The following FAR2 variants were observed in gnomAD, a reference collection of about 807,000 sequenced individuals.
FAR2 encodes the protein epididymis secretory protein Li 81.
Under a neutral mutation model 56.0 loss-of-function variants are expected in FAR2, and 19 were observed. The ratio of observed to expected loss-of-function variants is 0.34; its 90% CI spans 0.24 to 0.50. FAR2 has a LOEUF of 0.50. Ranked by LOEUF, FAR2 falls within the 20% of genes least tolerant of loss-of-function variation. The pLI is 0.98. For missense variants in FAR2, 508 were observed against 642.2 expected (o/e 0.79, Z 2.26); for synonymous variants, 219 against 218.8 (o/e 1.00, Z -0.01).
chr12:29,177,689 G>A (rs1029078550), intron 1 of FAR2, among the ~76,000 whole-genome samples: 1 of 152,124 alleles, frequency 6.6e-6, no homozygotes, highest in African/African-American at 2.4e-5. Flanking sequence ...ACAGATCTCA[G>A]AACTGGACAA....
intron 10 of FAR2, 35 bp from the exon 11 acceptor site, chr12:29,332,565 A>T: frequency 6.2e-7 from 1 of 1,612,590 alleles, no homozygotes; most frequent in Non-Finnish European, 8.5e-7. Flanking sequence ...CCAGCACTGC[A>T]ATTCTGGCAA....
chr12:29,294,912 T>G (rs944941114), intron 3 of FAR2, among the ~76,000 whole-genome samples: 10 of 152,186 alleles, frequency 6.6e-5, no homozygotes, highest in Admixed American at 2.6e-4. Context: ...TGAACAATAT[T>G]TGTTAAATAT....
chr12:29,291,408 G>C (rs1435828951), intron 2 of FAR2: 1 of 455,884 alleles, frequency 2.2e-6, no homozygotes, highest in African/African-American at 2.0e-5. Flanking sequence ...GATTTTTCAT[G>C]CCTACAGTTT....
chr12:29,210,496 CCTT>C (rs893324906), intron 1 of FAR2, among the ~76,000 whole-genome samples: 2 of 152,102 alleles, frequency 1.3e-5, no homozygotes, highest in Admixed American at 1.3e-4. Context: ...AGTGGTTTGG[CCTT>C]ATTGTATGTA....
At chr12:29,267,454 C>T (rs963127440) in intron 1 of FAR2, among the ~76,000 whole-genome samples, 4 of 152,242 alleles carry the variant, frequency 2.6e-5, no homozygotes, top group East Asian at 3.9e-4. Flanking sequence ...TAGTAATTTC[C>T]TGAGGTCACA....
intron 1 of FAR2, among the ~76,000 whole-genome samples, chr12:29,265,969 T>C (rs7301575): frequency 0.59 from 90,126 of 151,628 alleles, 27,931 homozygotes; most frequent in African/African-American, 0.78. Context: ...AGTGAGATAT[T>C]ATCTCACTCC....
chr12:29,228,103 C>A (rs577163127), intron 1 of FAR2, among the ~76,000 whole-genome samples: 59 of 147,662 alleles, frequency 4.0e-4, no homozygotes, highest in African/African-American at 1.4e-3. Context: ...GCATATTGTG[C>A]ACATGTACCC....
At chr12:29,187,427 T>A (rs1950054728) in intron 1 of FAR2, among the ~76,000 whole-genome samples, 1 of 152,108 alleles carries the variant, frequency 6.6e-6, no homozygotes, top group Non-Finnish European at 1.5e-5. Context: ...ATATATATAA[T>A]TTTTTATTTG....
chr12:29,253,220 G>GATATCTAT (rs144358893), intron 1 of FAR2, among the ~76,000 whole-genome samples: 8 of 50,364 alleles, frequency 1.6e-4, no homozygotes, highest in African/African-American at 5.6e-4. Flanking sequence ...TCTATATATC[G>GATATCTAT]ATATCTATCT....
intron 2 of FAR2, among the ~76,000 whole-genome samples, chr12:29,284,385 G>T (rs1213830531): frequency 6.6e-6 from 1 of 152,180 alleles, no homozygotes; most frequent in Non-Finnish European, 1.5e-5. Flanking sequence ...TTTAGAGAGG[G>T]ACTATCTTGA....
At chr12:29,284,439 G>A (rs1360660214) in intron 2 of FAR2, among the ~76,000 whole-genome samples, 1 of 152,190 alleles carries the variant, frequency 6.6e-6, no homozygotes, top group African/African-American at 2.4e-5. Context: ...GACAGAGCTA[G>A]GCAGGTTGCA....
At chr12:29,218,146 G>A (rs2136636064) in intron 1 of FAR2, among the ~76,000 whole-genome samples, 1 of 152,184 alleles carries the variant, frequency 6.6e-6, no homozygotes, top group East Asian at 1.9e-4. Flanking sequence ...CACAAGGTCA[G>A]GAGATCCAGA....
intron 9 of FAR2, among the ~76,000 whole-genome samples, chr12:29,318,093 C>A (rs1406608879): frequency 6.6e-6 from 1 of 152,208 alleles, no homozygotes; most frequent in African/African-American, 2.4e-5. Context: ...TTCTCGTGAT[C>A]AAGAATCAGA....
intron 10 of FAR2, 42 bp from the exon 11 acceptor site, chr12:29,332,558 G>A: frequency 4.3e-6 from 7 of 1,611,682 alleles, no homozygotes; most frequent in Non-Finnish European, 5.9e-6. Context: ...TGACTGTCCA[G>A]CACTGCAATT....
In FAR2 at chr12:29,201,751, C is replaced by G. The variant is rs1171530602; in HGVS notation, c.-39+52344C>G. Among the ~76,000 whole-genome samples, 4 of 152,164 alleles carry G rather than the reference C, an allele frequency of 2.6e-5. No homozygotes were observed. The East Asian group carries it at 7.7e-4, about 29-fold the overall frequency. On this transcript the variant is annotated intron_variant, in intron 1 of 11. Transcript: ENST00000536681. ...AGTATAATAGCCATTAGCCACATGT[C>G]ACTATATAAAATTGAAATGTAATTA...
At chr12:29,193,880 T>G (rs112336114) in intron 1 of FAR2, among the ~76,000 whole-genome samples, 7 of 152,326 alleles carry the variant, frequency 4.6e-5, no homozygotes, top group African/African-American at 1.7e-4. Flanking sequence ...TGAATGAGAG[T>G]TCCTATCGCT....
At chr12:29,324,466 A>G (rs1260268193) in intron 10 of FAR2, among the ~76,000 whole-genome samples, 3 of 152,224 alleles carry the variant, frequency 2.0e-5, no homozygotes, top group Non-Finnish European at 4.4e-5. Context: ...CAAAGTTGAA[A>G]TGAAGGAAAA....
At chr12:29,288,540 T>A (rs11050173) in intron 2 of FAR2, among the ~76,000 whole-genome samples, 39,420 of 151,806 alleles carry the variant, frequency 0.26, 6,312 homozygotes, top group Non-Finnish European at 0.36. Context: ...AAAAAGAAAA[T>A]TTTTTTTAGA....
intron 1 of FAR2, among the ~76,000 whole-genome samples, chr12:29,153,747 T>C (rs1433344459): frequency 6.6e-6 from 1 of 151,966 alleles, no homozygotes; most frequent in Non-Finnish European, 1.5e-5. Context: ...GTGCACAGAC[T>C]TGAGGTGTGT....
Sources: gnomAD v4.1 joint callset for allele counts (sites outside exome capture counted in the v4.1 genomes callset) on GRCh38, gnomAD v4.1.1 for gene constraint, MANE v1.5 for transcripts, NCBI Gene and HGNC (gene_info 2026-07-23, HGNC 2026-07-21) for gene names.